Variants in RHOH observed in about 807,000 individuals in gnomAD.
The protein encoded by RHOH is rho-related GTP-binding protein RhoH.
Under a neutral mutation model 13.8 loss-of-function variants are expected in RHOH, and 6 were observed. That is an observed-to-expected ratio of 0.44 (90% confidence interval 0.24 to 0.86). The LOEUF is 0.86. RHOH is among the 40% of genes least tolerant of loss of function. RHOH has a pLI of 0.24. For synonymous variants in RHOH, 117 were observed against 103.0 expected, an observed-to-expected ratio of 1.14 and a Z score of -0.82; for missense variants, 147 against 244.5, an observed-to-expected ratio of 0.60 and a Z score of 2.66.
upstream of RHOH, chr4:40,193,508 G>GAGAGAGAGAGAGA (rs146365003): frequency 9.6e-5 from 11 of 114,794 alleles, no homozygotes; most frequent in South Asian, 3.0e-4. Flanking sequence ...GAGAGAGAGA[G>GAGAGAGAGAGAGA]GAGAGGAGGG....
chr4:40,216,856 A>T (rs1013119456), intron 1 of RHOH, among the ~76,000 whole-genome samples: 1 of 152,206 alleles, frequency 6.6e-6, no homozygotes, highest in African/African-American at 2.4e-5. Context: ...TGGGGGCAGG[A>T]TTAGAAGATG....
At chr4:40,212,272 C>T (rs531052122) in intron 1 of RHOH, among the ~76,000 whole-genome samples, 11 of 152,220 alleles carry the variant, frequency 7.2e-5, no homozygotes, top group African/African-American at 2.2e-4. Context: ...ATGGATTAGA[C>T]TTCCTCAGTT....
chr4:40,211,613 G>C (rs1421040054), intron 1 of RHOH, among the ~76,000 whole-genome samples: 4 of 152,126 alleles, frequency 2.6e-5, no homozygotes, highest in Admixed American at 1.3e-4. Flanking sequence ...TGATGTCTTG[G>C]GGGTAGTTTC....
At chr4:40,194,493 T>C (rs910248067), upstream of RHOH, among the ~76,000 whole-genome samples, 1 of 152,160 alleles carries the variant, frequency 6.6e-6, no homozygotes, top group African/African-American at 2.4e-5. Flanking sequence ...CCTCCCAAAG[T>C]TTTGGGATTA....
chr4:40,237,462 A>G (rs7661086), intron 1 of RHOH, among the ~76,000 whole-genome samples: 75,045 of 151,578 alleles, frequency 0.5, 21,374 homozygotes, highest in Non-Finnish European at 0.64. Context: ...CTCAAAAAAA[A>G]AAAAAAAAGA....
intron 1 of RHOH, among the ~76,000 whole-genome samples, chr4:40,216,272 C>A (rs1166618674): frequency 6.6e-6 from 1 of 151,588 alleles, no homozygotes; most frequent in African/African-American, 2.4e-5. Context: ...AGTTTGAGAC[C>A]AGCCTGGCCA....
At chr4:40,241,224 G>C (rs914492726) in intron 1 of RHOH, among the ~76,000 whole-genome samples, 2 of 152,148 alleles carry the variant, frequency 1.3e-5, no homozygotes, top group African/African-American at 4.8e-5. Flanking sequence ...TGTGAGTCTG[G>C]AGAAAGAGTC....
chr4:40,238,747 T>A (rs577504948), intron 1 of RHOH, among the ~76,000 whole-genome samples: 1 of 152,218 alleles, frequency 6.6e-6, no homozygotes, highest in Non-Finnish European at 1.5e-5. Flanking sequence ...CCACTCAGTG[T>A]CATCACCCAT....
chr4:40,227,294 G>A (rs535928433), intron 1 of RHOH, among the ~76,000 whole-genome samples: 32 of 152,288 alleles, frequency 2.1e-4, no homozygotes, highest in African/African-American at 7.5e-4. Flanking sequence ...TGAATAATTT[G>A]GCATGTCTAT....
At chr4:40,233,925 CAAATAAAATA>C (rs5857719) in intron 1 of RHOH, among the ~76,000 whole-genome samples, 88,228 of 145,008 alleles carry the variant, frequency 0.61, 28,044 homozygotes, top group Non-Finnish European at 0.7. Flanking sequence ...TACTCCCTCT[CAAATAAAATA>C]AAATAAAATA....
At chr4:40,203,650 A>G (rs1724302163) in intron 1 of RHOH, among the ~76,000 whole-genome samples, 1 of 152,324 alleles carries the variant, frequency 6.6e-6, no homozygotes, top group Admixed American at 6.5e-5. Flanking sequence ...GAGAAAGCCC[A>G]GAGGGACAAG....
At chr4:40,230,023 G>A (rs1469405283) in intron 1 of RHOH, among the ~76,000 whole-genome samples, 1 of 151,950 alleles carries the variant, frequency 6.6e-6, no homozygotes, top group African/African-American at 2.4e-5. Flanking sequence ...ATATTTATTT[G>A]AATATCTAAA....
chr4:40,219,410 CAAA>C (rs35585203), intron 1 of RHOH, among the ~76,000 whole-genome samples: 9 of 92,614 alleles, frequency 9.7e-5, no homozygotes, highest in Non-Finnish European at 4.2e-5. Context: ...GACTCCATCT[CAAA>C]AAAAAAAAAA....
chr4:40,243,078 C>A lies in RHOH; in HGVS notation c.-209-100C>A, dbSNP rs1579350935. The A allele has an allele frequency of 3.4e-6, 1 of 292,042 alleles. No individual in the cohort carries two copies. 18.1% of individuals were successfully genotyped at this position (292,042 alleles called of 1,614,324 possible). On this transcript the variant is annotated intron_variant, in intron 2 of 2. Coordinates refer to ENST00000381799, the MANE Select transcript of RHOH (RefSeq NM_004310.5). The surrounding 1 kb of genome is among the most constrained non-coding windows in gnomAD (Gnocchi z 6.2). ...GGGTTGGATGGCTACACTGAGATTA[C>A]CCCACATTTAATCAGTTTGCCAATG...
At chr4:40,200,862 A>G (rs1390267317) in intron 1 of RHOH, among the ~76,000 whole-genome samples, 2 of 152,266 alleles carry the variant, frequency 1.3e-5, no homozygotes, top group South Asian at 4.1e-4. Context: ...GCACCAAATC[A>G]CATTCTTTTC....
Position 40,244,136 on chromosome 4 carries a change from C to G in RHOH, c.*174C>G. 1 of 565,940 alleles carries G rather than the reference C, an allele frequency of 1.8e-6. No individual in the cohort carries two copies. The highest frequency in any genetic ancestry group is 3.2e-6 in the Non-Finnish European group (1 of 315,768). 35.1% of individuals were successfully genotyped at this position (565,940 alleles called of 1,614,324 possible). A position where few individuals can be genotyped will look rare whatever the true frequency, so the allele number is the denominator to read the frequency against. ...CCACTGGATGTTTTCACTAACTACA[C>G]TCTACAAGTGAACTCCTTGCCCAGG... On this transcript the variant is annotated 3_prime_UTR_variant, in exon 3 of 3. Coordinates refer to ENST00000381799, the MANE Select transcript of RHOH (RefSeq NM_004310.5).
chr4:40,191,592 T>C (rs543073717), upstream of RHOH, among the ~76,000 whole-genome samples: 1 of 152,338 alleles, frequency 6.6e-6, no homozygotes, highest in South Asian at 2.1e-4. Flanking sequence ...ATCATAACTT[T>C]AGAGCCACAG....
chr4:40,194,052 C>T (rs1722886240), upstream of RHOH, among the ~76,000 whole-genome samples: 1 of 152,280 alleles, frequency 6.6e-6, no homozygotes, highest in African/African-American at 2.4e-5. Flanking sequence ...CCTTGTCTGA[C>T]TCCTCTGCTT....
chr4:40,209,693 C>G (rs1290130816), intron 1 of RHOH: 1 of 152,232 alleles, frequency 6.6e-6, no homozygotes, highest in Non-Finnish European at 1.5e-5. Context: ...TCACCCACCT[C>G]GGCCTCCCAA....
Sources: allele counts gnomAD v4.1 joint callset (sites outside exome capture counted in the v4.1 genomes callset), GRCh38; gene constraint gnomAD v4.1.1; non-coding constraint Gnocchi (gnomAD v3.1); transcripts MANE v1.5; gene names NCBI Gene and HGNC (gene_info 2026-07-23, HGNC 2026-07-21).